Variants in SLC10A1 observed in about 807,000 individuals in gnomAD.
SLC10A1 encodes solute carrier family 10 member 1.
SLC10A1 carries 36 observed loss-of-function variants against 20.5 expected under a neutral mutation model. That is an observed-to-expected ratio of 1.75 (90% CI 1.34 to 2.32). The LOEUF is 2.32. SLC10A1 is among the 30% of genes most tolerant of loss of function. The pLI is 0.00. For missense variants in SLC10A1, 545 were observed against 439.1 expected (o/e 1.24, Z -2.16); for synonymous variants, 188 against 163.6 (o/e 1.15, Z -1.14).
intron 2 of SLC10A1, among the ~76,000 whole-genome samples, chr14:69,781,389 T>C (rs1055767637): frequency 6.6e-6 from 1 of 152,202 alleles, no homozygotes; most frequent in Non-Finnish European, 1.5e-5. Flanking sequence ...GCCAATCCAT[T>C]GGCTTACACA....
At chr14:69,778,124 C>T (rs1369808993) in intron 4 of SLC10A1, among the ~76,000 whole-genome samples, 1 of 152,092 alleles carries the variant, frequency 6.6e-6, no homozygotes, top group Non-Finnish European at 1.5e-5. Context: ...TTTCATTCTC[C>T]CAGCTAGAAG....
At chr14:69,791,871 G>A (rs1049407166) in intron 1 of SLC10A1, among the ~76,000 whole-genome samples, 4 of 152,124 alleles carry the variant, frequency 2.6e-5, no homozygotes, top group Non-Finnish European at 5.9e-5. Flanking sequence ...ACATTGATTG[G>A]AGCTCTCCAT....
intron 1 of SLC10A1, among the ~76,000 whole-genome samples, chr14:69,791,118 A>G (rs1169711179): frequency 2.0e-5 from 3 of 152,154 alleles, no homozygotes; most frequent in African/African-American, 7.2e-5. Context: ...AAAAGGCCTA[A>G]GTAAAAGAAA....
intron 4 of SLC10A1, 42 bp from the exon 5 acceptor site, chr14:69,776,430 G>A: frequency 6.8e-7 from 1 of 1,480,372 alleles, no homozygotes; most frequent in Non-Finnish European, 9.4e-7. Flanking sequence ...GAGAGAACAA[G>A]AGGAGTGAAC....
At position 69,786,246 on chromosome 14, in the gene SLC10A1, T is replaced by G. The variant is rs149467297; in HGVS notation, c.418A>C (p.Ile140Leu). Residue 140 changes from isoleucine to leucine, a missense_variant, in exon 2 of 5, where the codon ATC becomes CTC. Ile to Leu is a conservative substitution (Grantham distance 5, BLOSUM62 2). Coordinates refer to ENST00000216540, the MANE Select transcript of SLC10A1 (RefSeq NM_003049.4). ...ALGMMPLLLY[I>L]YSRGIYDGDL... The stretch of plus-strand genomic sequence containing the variant: ...CCATCATAGATCCCCCTGGAGTAGA[T>G]GTACAGGAGGAGAGGCATCATGCCA... 6.7e-5 allele frequency: 108 copies of G among 1,613,800 alleles called. No individual in the cohort carries two copies. The highest frequency in any genetic ancestry group is 8.0e-5 in the Non-Finnish European group (94 of 1,179,966).
chr14:69,777,833 G>A (rs1883485692), intron 4 of SLC10A1, among the ~76,000 whole-genome samples: 1 of 148,428 alleles, frequency 6.7e-6, no homozygotes. Flanking sequence ...TAGAGTTGAG[G>A]AATCTTTTTT....
intron 2 of SLC10A1, among the ~76,000 whole-genome samples, chr14:69,779,614 C>G (rs1033593398): frequency 1.3e-5 from 2 of 152,226 alleles, no homozygotes; most frequent in African/African-American, 4.8e-5. Context: ...GTCCTCCTGC[C>G]TTGGCCTTCC....
At chr14:69,778,182 T>G in intron 4 of SLC10A1, 151 bp downstream of exon 4, 2 of 590,448 alleles carry the variant, frequency 3.4e-6, no homozygotes, top group Non-Finnish European at 3.0e-6. Context: ...TCTTTAATGC[T>G]TCTTGGGTGC....
At chr14:69,793,925 G>A (rs1251076090) in intron 1 of SLC10A1, among the ~76,000 whole-genome samples, 1 of 152,190 alleles carries the variant, frequency 6.6e-6, no homozygotes, top group Non-Finnish European at 1.5e-5. Context: ...GGAGGGAGCT[G>A]CCGTCCCTGG....
At chr14:69,795,947 C>T (rs139192737) in intron 1 of SLC10A1, among the ~76,000 whole-genome samples, 314 of 152,312 alleles carry the variant, frequency 2.1e-3, no homozygotes, top group African/African-American at 7.3e-3. Context: ...AAAGCAAGAG[C>T]TTCTGCTAGT....
chr14:69,778,313 G>T lies in SLC10A1; in HGVS notation c.943+20C>A. On this transcript the variant is annotated intron_variant, in intron 4 of 4. Transcript: ENST00000216540. Reference sequence around the variant, plus strand: ...TAATATTGGAGCAGAACTTGAAGTGGGGATAATTTCAGTACTCACCCTTGG... The same window carrying T: ...TAATATTGGAGCAGAACTTGAAGTGTGGATAATTTCAGTACTCACCCTTGG... The T allele has an allele frequency of 6.4e-7, 1 of 1,554,536 alleles. No individual in the cohort carries two copies. Among genetic ancestry groups the T allele is most frequent in the South Asian group, 1.2e-5 (1 of 80,920 alleles).
chr14:69,783,851 G>T (rs1486612173), intron 2 of SLC10A1, among the ~76,000 whole-genome samples: 3 of 152,162 alleles, frequency 2.0e-5, no homozygotes, highest in African/African-American at 7.2e-5. Context: ...GGGTGTGAGT[G>T]GTGAGGGAGA....
chr14:69,795,045 T>G (rs1293563307), intron 1 of SLC10A1, among the ~76,000 whole-genome samples: 2 of 152,180 alleles, frequency 1.3e-5, no homozygotes, highest in Non-Finnish European at 2.9e-5. Flanking sequence ...GAGTACCCCT[T>G]CGCAGGCCCC....
chr14:69,785,588 T>G (rs1156923127), intron 2 of SLC10A1, among the ~76,000 whole-genome samples: 3 of 150,424 alleles, frequency 2.0e-5, no homozygotes, highest in African/African-American at 7.4e-5. Flanking sequence ...TTTTCTTTCT[T>G]TTCTTTTTTT....
chr14:69,785,582 C>CT (rs1184087863), intron 2 of SLC10A1, among the ~76,000 whole-genome samples: 3 of 145,450 alleles, frequency 2.1e-5, no homozygotes, highest in Admixed American at 1.4e-4. Context: ...ACTTCATTTT[C>CT]TTTCTTTTCT....
intron 2 of SLC10A1, among the ~76,000 whole-genome samples, 156 bp from the exon 3 acceptor site, chr14:69,779,516 C>T (rs1232426785): frequency 6.6e-6 from 1 of 152,132 alleles, no homozygotes; most frequent in African/African-American, 2.4e-5. Context: ...TTTTGGATTC[C>T]TTTCTTTAAA....
At chr14:69,781,398 C>T (rs895177818) in intron 2 of SLC10A1, among the ~76,000 whole-genome samples, 9 of 152,226 alleles carry the variant, frequency 5.9e-5, no homozygotes, top group African/African-American at 1.9e-4. Flanking sequence ...TTGGCTTACA[C>T]ATGAGATGAC....
intron 2 of SLC10A1, among the ~76,000 whole-genome samples, chr14:69,784,294 T>A (rs1439138733): frequency 6.6e-6 from 1 of 152,198 alleles, no homozygotes; most frequent in African/African-American, 2.4e-5. Context: ...CAGTGGTCAA[T>A]TATGTCCAAT....
intron 1 of SLC10A1, among the ~76,000 whole-genome samples, chr14:69,793,303 G>A (rs553435811): frequency 3.7e-4 from 57 of 152,242 alleles, no homozygotes; most frequent in Non-Finnish European, 7.2e-4. Flanking sequence ...GCTGGCATCC[G>A]TGACTGTTGT....
Sources: allele counts gnomAD v4.1 joint callset (sites outside exome capture counted in the v4.1 genomes callset), GRCh38; gene constraint gnomAD v4.1.1; transcripts MANE v1.5; gene names NCBI Gene and HGNC (gene_info 2026-07-23, HGNC 2026-07-21).